RBM27: variants seen among roughly 807,000 people sequenced by gnomAD.
The protein encoded by RBM27 is RNA-binding protein 27.
A neutral mutation model predicts 135.3 loss-of-function variants in RBM27; 22 were observed. The ratio of observed to expected loss-of-function variants is 0.16; its 90% CI spans 0.12 to 0.23. RBM27 has a LOEUF of 0.23. Ranked by LOEUF, RBM27 falls within the 10% of genes least tolerant of loss-of-function variation. The pLI, the probability that RBM27 is intolerant of heterozygous loss-of-function variation, is 1.00. For synonymous variants in RBM27, 481 were observed against 442.4 expected (o/e 1.09, Z -1.10); for missense variants, 1,009 against 1,281.0 (o/e 0.79, Z 3.24).
At chr5:146,245,613 C>A (rs1195411184) in intron 8 of RBM27, among the ~76,000 whole-genome samples, 2 of 152,080 alleles carry the variant, frequency 1.3e-5, no homozygotes, top group Non-Finnish European at 2.9e-5. Context: ...AATTCTGTGG[C>A]ATTATGTAGA....
chr5:146,279,892 A>G (rs771178680), intron 19 of RBM27, among the ~76,000 whole-genome samples: 1 of 151,966 alleles, frequency 6.6e-6, no homozygotes, highest in Non-Finnish European at 1.5e-5. Context: ...GATAGTCACT[A>G]TTCTTAGGTA....
At chr5:146,216,081 C>G (rs1218609858) in intron 1 of RBM27, among the ~76,000 whole-genome samples, 3 of 152,096 alleles carry the variant, frequency 2.0e-5, no homozygotes. Flanking sequence ...TTTATTGAGA[C>G]AGTCTTGCTC....
Position 146,239,585 on chromosome 5 carries a change from C to CT in RBM27, c.1279+2155dup, listed in dbSNP as rs1757317284. 4.2e-5 allele frequency among the ~76,000 whole-genome samples: 6 copies of CT among 143,976 alleles called. No individual in the cohort carries two copies. In the South Asian group the frequency reaches 1.3e-3, roughly 32 times the overall value. The allele number at this position is 143,976 out of a possible 152,430, so 94.5% of individuals were successfully genotyped here. Reference sequence around the variant, plus strand: ...CTTTGCCTCCCGGGTTCAAGCAATTCTTGTGCCTCAGCCTCCCAAGTAGCT... The same window carrying CT: ...CTTTGCCTCCCGGGTTCAAGCAATTCTTTGTGCCTCAGCCTCCCAAGTAGCT... On this transcript the variant is annotated intron_variant, in intron 8 of 20. Transcript: ENST00000265271.
chr5:146,223,536 A>T lies in RBM27; in HGVS notation c.303+9A>T, dbSNP rs572988116. 8 of 1,592,490 alleles carry T rather than the reference A, an allele frequency of 5.0e-6. No individual in the cohort carries two copies. The South Asian group carries it at 8.1e-5, about 16-fold the overall frequency. Reference sequence around the variant, plus strand: ...AAGAAATTAAAGAAGAGGTAATGCAAATTTTTTCTCCTGCTTTTGGGGGCT... The same window carrying T: ...AAGAAATTAAAGAAGAGGTAATGCATATTTTTTCTCCTGCTTTTGGGGGCT... On this transcript the variant is annotated intron_variant, in intron 3 of 20. Coordinates refer to ENST00000265271, the MANE Select transcript of RBM27 (RefSeq NM_018989.2).
At chr5:146,263,735 T>A (rs1249767091) in intron 14 of RBM27, 104 bp downstream of exon 14, 4 of 1,320,814 alleles carry the variant, frequency 3.0e-6, no homozygotes, top group Non-Finnish European at 3.1e-6. Flanking sequence ...ACAGTTAACC[T>A]AAGTGTGGCA....
At chr5:146,277,811 G>A (rs984694954) in intron 19 of RBM27, among the ~76,000 whole-genome samples, 3 of 151,884 alleles carry the variant, frequency 2.0e-5, no homozygotes, top group Admixed American at 6.6e-5. Context: ...GGGATTACAG[G>A]CATGAGCCAC....
intron 8 of RBM27, among the ~76,000 whole-genome samples, chr5:146,250,422 A>G (rs1421681935): frequency 7.9e-6 from 1 of 126,512 alleles, no homozygotes; most frequent in Non-Finnish European, 1.6e-5. Flanking sequence ...ACAGAGCAAG[A>G]CTCCGTCTCA....
intron 8 of RBM27, among the ~76,000 whole-genome samples, chr5:146,243,001 C>T (rs964566485): frequency 3.3e-5 from 5 of 152,100 alleles, no homozygotes; most frequent in Non-Finnish European, 5.9e-5. Flanking sequence ...CATGGTGGCT[C>T]ATGCCTGTAA....
rs776993196 is a variant in RBM27, at chr5:146,230,824, A to G, written c.757A>G (p.Thr253Ala). ...IAPAHHSENT[T>A]ESWSNYYNNH... is the part of the protein sequence containing the mutation. Reference sequence around the variant, plus strand: ...ACCTGCTCACCACTCTGAAAACACAACTGAGAGTTGGTCTAATTACTATAA... The same window carrying G: ...ACCTGCTCACCACTCTGAAAACACAGCTGAGAGTTGGTCTAATTACTATAA... The change falls in exon 6 of 21, where the codon ACT (threonine) becomes GCT (alanine). Residue 253 changes from threonine (T) to alanine (A), a missense_variant. Transcript: ENST00000265271. 16 of 1,614,008 alleles carry G rather than the reference A, an allele frequency of 9.9e-6. No individual in the cohort carries two copies. In the South Asian group the frequency reaches 1.4e-4, roughly 14 times the overall value.
At chr5:146,251,981 T>C (rs1393656607) in intron 9 of RBM27, 106 bp downstream of exon 9, 1 of 1,250,806 alleles carries the variant, frequency 8.0e-7, no homozygotes, top group Non-Finnish European at 1.1e-6. Flanking sequence ...CAAAGTCCCA[T>C]TAAAGCTCAT....
At chr5:146,271,163 G>A (rs1236585792) in intron 18 of RBM27, 105 bp downstream of exon 18, 2 of 762,638 alleles carry the variant, frequency 2.6e-6, no homozygotes, top group Non-Finnish European at 4.3e-6. Context: ...CACTTTGGGA[G>A]GCCGAGGCGG....
chr5:146,263,706 G>A (rs1758492648), intron 14 of RBM27, 75 bp downstream of exon 14: 18 of 1,488,886 alleles, frequency 1.2e-5, no homozygotes, highest in Non-Finnish European at 1.5e-5. Context: ...TTATCATTCA[G>A]ACAGTGAAGA....
At chr5:146,280,940 C>T (rs1325810023) in intron 19 of RBM27, among the ~76,000 whole-genome samples, 1 of 152,088 alleles carries the variant, frequency 6.6e-6, no homozygotes, top group Non-Finnish European at 1.5e-5. Flanking sequence ...TCACTGCAGC[C>T]TTCGCCTCCC....
intron 1 of RBM27, among the ~76,000 whole-genome samples, chr5:146,212,433 C>T (rs13183541): frequency 0.21 from 31,865 of 152,096 alleles, 4,246 homozygotes; most frequent in Admixed American, 0.33. Context: ...ACTGTAGCCT[C>T]AACCTTCCAG....
rs928738307 is a variant in RBM27, at chr5:146,265,976, C to G, written c.2332-1673C>G. On this transcript the variant is annotated intron_variant, in intron 14 of 20. Transcript: ENST00000265271. The stretch of plus-strand genomic sequence containing the variant: ...AATATTCCCCAAACATTTCCCAATT[C>G]TATTCACTGAAAAGGTCTAGAAATA... 4.6e-5 allele frequency among the ~76,000 whole-genome samples: 7 copies of G among 152,184 alleles called. No individual in the cohort carries two copies. In the East Asian group the frequency reaches 1.3e-3, roughly 29 times the overall value.
At chr5:146,218,514 C>T (rs1344386074) in intron 1 of RBM27, among the ~76,000 whole-genome samples, 2 of 152,110 alleles carry the variant, frequency 1.3e-5, no homozygotes, top group Non-Finnish European at 2.9e-5. Context: ...AGCAAAAGGG[C>T]TGATAGCCAT....
chr5:146,251,618 T>C, intron 8 of RBM27, 93 bp from the exon 9 acceptor site: 1 of 1,232,596 alleles, frequency 8.1e-7, no homozygotes, highest in Non-Finnish European at 1.2e-6. Context: ...TTAATTTCTC[T>C]GTTTTTGGCT....
intron 17 of RBM27, 146 bp from the exon 18 acceptor site, chr5:146,270,808 T>G: frequency 1.9e-6 from 1 of 518,776 alleles, no homozygotes; most frequent in Non-Finnish European, 3.5e-6. Flanking sequence ...ATCTGTAAAG[T>G]TACTTTTTTA....
At chr5:146,209,680 A>G (rs1028732907) in intron 1 of RBM27, among the ~76,000 whole-genome samples, 1 of 152,200 alleles carries the variant, frequency 6.6e-6, no homozygotes, top group African/African-American at 2.4e-5. Context: ...CCACCTGGTA[A>G]ATAAACTACC....
Sources: allele counts gnomAD v4.1 joint callset (sites outside exome capture counted in the v4.1 genomes callset), GRCh38; gene constraint gnomAD v4.1.1; transcripts MANE v1.5; gene names NCBI Gene and HGNC (gene_info 2026-07-23, HGNC 2026-07-21).